Variants in PTCH1 observed in about 807,000 individuals in gnomAD.
The protein encoded by PTCH1 is patched 1, also known as protein patched homolog 1.
PTCH1 carries 14 observed loss-of-function variants against 144.6 expected under a neutral mutation model. The observed-to-expected ratio is 0.10, with a 90% CI of 0.06 to 0.15. The LOEUF is 0.15. PTCH1 is among the 10% of genes least tolerant of loss of function. The probability of loss-of-function intolerance (pLI) is 1.00; values close to 1 mark genes in which losing one functional copy is unlikely to be tolerated. For missense variants in PTCH1, 1,623 were observed against 1,948.3 expected (o/e 0.83, Z 3.14); for synonymous variants, 833 against 793.6 (o/e 1.05, Z -0.83).
At chr9:95,456,730 C>T (rs1274292920) in intron 18 of PTCH1, among the ~76,000 whole-genome samples, 1 of 152,140 alleles carries the variant, frequency 6.6e-6, no homozygotes. Context: ...AGGAATTGCA[C>T]AAGCATGGCC....
intron 2 of PTCH1, 103 bp from the exon 3 acceptor site, chr9:95,485,977 C>G (rs1244320004): frequency 8.5e-6 from 11 of 1,294,004 alleles, no homozygotes; most frequent in Non-Finnish European, 1.1e-5. Context: ...TAGATGAACT[C>G]TAGTCATGAG....
chr9:95,472,397 G>A (rs1319739166), intron 12 of PTCH1, among the ~76,000 whole-genome samples: 3 of 152,194 alleles, frequency 2.0e-5, no homozygotes, highest in Non-Finnish European at 4.4e-5. Flanking sequence ...CTTACTGAGA[G>A]GACGTCTGTG....
chr9:95,472,615 G>A (rs1840679008), intron 12 of PTCH1, among the ~76,000 whole-genome samples: 1 of 152,220 alleles, frequency 6.6e-6, no homozygotes, highest in South Asian at 2.1e-4. Flanking sequence ...GAGGAGAGCA[G>A]AGGTTCGTGA....
intron 2 of PTCH1, among the ~76,000 whole-genome samples, chr9:95,489,796 T>C (rs960294948): frequency 1.3e-5 from 2 of 150,558 alleles, no homozygotes; most frequent in Admixed American, 6.6e-5. Flanking sequence ...TGGTAGGCTA[T>C]GGATAATTTT....
At chr9:95,516,016 T>G (rs1441806914) in intron 1 of PTCH1, among the ~76,000 whole-genome samples, 3 of 151,808 alleles carry the variant, frequency 2.0e-5, no homozygotes, top group Admixed American at 6.5e-5. Flanking sequence ...GCTGTCACTC[T>G]CCGCACCAGC....
chr9:95,493,356 A>G (rs921985080), intron 2 of PTCH1, among the ~76,000 whole-genome samples: 2 of 152,220 alleles, frequency 1.3e-5, no homozygotes, highest in African/African-American at 2.4e-5. Flanking sequence ...TTTCCACAAA[A>G]TTCAAGTCCT....
rs765258547 is a variant in PTCH1, at chr9:95,469,137, C to T, written c.1864G>A (p.Val622Met). The T allele has an allele frequency of 6.2e-7, 1 of 1,614,092 alleles. No homozygotes were observed. The highest frequency in any genetic ancestry group is 2.2e-5 in the East Asian group (1 of 44,884). ...CCFTSPCVSR[V>M]IQVEPQAYTD... ...TAGGCCTGAGGTTCAACCTGAATCACTCTGCTGACGCAGGGGCTGAAAGGA... is the reference window on the plus strand; with the variant it reads ...TAGGCCTGAGGTTCAACCTGAATCATTCTGCTGACGCAGGGGCTGAAAGGA... Residue 622 changes from valine to methionine, a missense_variant, in exon 14 of 24, where the codon GTG becomes ATG. Transcript: ENST00000331920.
At chr9:95,477,932 C>G (rs1841201135) in intron 9 of PTCH1, 123 bp downstream of exon 9, 6 of 1,553,944 alleles carry the variant, frequency 3.9e-6, no homozygotes, top group Non-Finnish European at 5.3e-6. Context: ...AAGCCACGCT[C>G]TCTCTGTCCT....
At chr9:95,460,126 T>C (rs1364831781) in intron 16 of PTCH1, among the ~76,000 whole-genome samples, 3 of 152,206 alleles carry the variant, frequency 2.0e-5, no homozygotes, top group African/African-American at 7.2e-5. Flanking sequence ...GGGAGAAACC[T>C]GGCAAGAATC....
chr9:95,471,016 G>A (rs1472206705), intron 12 of PTCH1, among the ~76,000 whole-genome samples: 2 of 151,978 alleles, frequency 1.3e-5, no homozygotes, highest in Non-Finnish European at 2.9e-5. Flanking sequence ...CTGGGAGATG[G>A]AGGTTGCAGT....
chr9:95,471,614 A>G (rs1840587743), intron 12 of PTCH1, among the ~76,000 whole-genome samples: 1 of 152,256 alleles, frequency 6.6e-6, no homozygotes, highest in Non-Finnish European at 1.5e-5. Context: ...AGCCAGACCT[A>G]TACACAAATG....
intron 14 of PTCH1, 41 bp from the exon 15 acceptor site, chr9:95,467,466 C>T (rs754374211): frequency 6.3e-7 from 1 of 1,594,098 alleles, no homozygotes. Flanking sequence ...CAGGGAGCAC[C>T]ACTGACTCTT....
chr9:95,493,190 A>G (rs1174483107), intron 2 of PTCH1, among the ~76,000 whole-genome samples: 1 of 152,196 alleles, frequency 6.6e-6, no homozygotes, highest in Non-Finnish European at 1.5e-5. Flanking sequence ...TGTAGACAAG[A>G]GATGTTTCCC....
intron 1 of PTCH1, chr9:95,514,523 G>A (rs1260899164): frequency 1.3e-5 from 2 of 152,088 alleles, no homozygotes; most frequent in African/African-American, 4.8e-5. Context: ...CCAGCTTATT[G>A]TGTGTCTTTC....
intron 19 of PTCH1, among the ~76,000 whole-genome samples, chr9:95,455,772 T>C (rs1044203131): frequency 3.3e-5 from 5 of 152,162 alleles, no homozygotes; most frequent in Admixed American, 6.5e-5. Flanking sequence ...GGCTGAACAA[T>C]GGAGCCTCCA....
intron 20 of PTCH1, chr9:95,452,828 A>G (rs1172792808): frequency 1.3e-5 from 2 of 154,682 alleles, no homozygotes; most frequent in East Asian, 3.8e-4. Flanking sequence ...TACAGTTTGA[A>G]GGAGAGGGAG....
rs1226541991 is a variant in PTCH1, at chr9:95,467,141, C to A, written c.2535G>T (p.Leu845=). Reference sequence around the variant, plus strand: ...CCTGAAGCCAGTCTCTGAAGTAGTGCAGCCACATTTTGGGAAGCTGTTTGT... The same window carrying A: ...CCTGAAGCCAGTCTCTGAAGTAGTGAAGCCACATTTTGGGAAGCTGTTTGT... The part of the protein sequence containing the change: ...EENKQLPKMW[L]HYFRDWLQGL... Residue 845 remains leucine (L), a synonymous_variant, in exon 15 of 24, where the codon CTG becomes CTT. Coordinates refer to ENST00000331920, the MANE Select transcript of PTCH1 (RefSeq NM_000264.5). 1 of 1,614,254 alleles carries A rather than the reference C, an allele frequency of 6.2e-7. No homozygotes were observed. Among genetic ancestry groups the A allele is most frequent in the East Asian group, 2.2e-5 (1 of 44,894 alleles).
chr9:95,510,917 G>C (rs1232951485), upstream of PTCH1, among the ~76,000 whole-genome samples: 1 of 150,620 alleles, frequency 6.6e-6, no homozygotes, highest in Non-Finnish European at 1.5e-5. Flanking sequence ...GTAGGGAGGC[G>C]GATGCGCCGG....
chr9:95,472,107 G>C (rs1408087871), intron 12 of PTCH1, among the ~76,000 whole-genome samples: 1 of 132,326 alleles, frequency 7.6e-6, no homozygotes, highest in African/African-American at 3.7e-5. Flanking sequence ...AAAAAACACA[G>C]AGTGTGCAAG....
Sources: gnomAD v4.1 joint callset for allele counts (sites outside exome capture counted in the v4.1 genomes callset) on GRCh38, gnomAD v4.1.1 for gene constraint, MANE v1.5 for transcripts, NCBI Gene and HGNC (gene_info 2026-07-23, HGNC 2026-07-21) for gene names.